TIPARP: variants seen among roughly 807,000 people sequenced by gnomAD.
TIPARP encodes the protein protein mono-ADP-ribosyltransferase TIPARP.
In TIPARP, 12 loss-of-function variants were observed where a neutral mutation model predicts 56.5. The observed-to-expected ratio is 0.21, with a 90% CI of 0.14 to 0.34. The LOEUF (loss-of-function observed/expected upper bound fraction) is 0.34, where lower values mean the gene tolerates loss of function less well. Ranked by LOEUF, TIPARP falls within the 10% of genes least tolerant of loss-of-function variation. TIPARP has a pLI of 1.00. For synonymous variants in TIPARP, 296 were observed against 265.7 expected, an observed-to-expected ratio of 1.11 and a Z score of -1.11; for missense variants, 604 against 781.6, an observed-to-expected ratio of 0.77 and a Z score of 2.71.
chr3:156,696,398 C>T (rs942174488), intron 4 of TIPARP, among the ~76,000 whole-genome samples: 4 of 152,088 alleles, frequency 2.6e-5, no homozygotes, highest in East Asian at 1.9e-4. Flanking sequence ...GCCAAACTGC[C>T]GGGGCAAGTG....
intron 2 of TIPARP, among the ~76,000 whole-genome samples, chr3:156,693,192 A>G (rs908829631): frequency 3.3e-5 from 5 of 152,192 alleles, no homozygotes; most frequent in Non-Finnish European, 7.4e-5. Flanking sequence ...TATAATGACC[A>G]TTATGCCAGT....
chr3:156,688,175 G>A (rs2108491344), intron 2 of TIPARP, among the ~76,000 whole-genome samples: 1 of 152,146 alleles, frequency 6.6e-6, no homozygotes, highest in South Asian at 2.1e-4. Flanking sequence ...AATTGCTTGA[G>A]ACCAGCCCAG....
intron 4 of TIPARP, among the ~76,000 whole-genome samples, chr3:156,700,631 A>C (rs1488487437): frequency 6.6e-6 from 1 of 152,198 alleles, no homozygotes. Flanking sequence ...AACAAAGCTT[A>C]GGGGTTTGGT....
chr3:156,690,557 T>A (rs1319331902), intron 2 of TIPARP, among the ~76,000 whole-genome samples: 1 of 152,172 alleles, frequency 6.6e-6, no homozygotes, highest in Non-Finnish European at 1.5e-5. Flanking sequence ...TATAGTGGGA[T>A]GTGTGGTGGT....
intron 4 of TIPARP, among the ~76,000 whole-genome samples, chr3:156,702,574 T>TA (rs1251391144): frequency 1.3e-5 from 2 of 152,186 alleles, no homozygotes; most frequent in Non-Finnish European, 2.9e-5. Flanking sequence ...CAATGAGTGT[T>TA]ATAGCACCTG....
chr3:156,690,927 ACT>A (rs1316899897), intron 2 of TIPARP, among the ~76,000 whole-genome samples: 1 of 151,942 alleles, frequency 6.6e-6, no homozygotes, highest in African/African-American at 2.4e-5. Flanking sequence ...TACTGCTTTG[ACT>A]CTAACTTCAT....
chr3:156,681,296 C>T (rs1722297883), intron 2 of TIPARP: 1 of 427,638 alleles, frequency 2.3e-6, no homozygotes, highest in Non-Finnish European at 4.7e-6. Context: ...AGTGTGTGTT[C>T]AGCTGTGTAT....
chr3:156,678,227 G>A lies in TIPARP; in HGVS notation c.530G>A (p.Cys177Tyr). 2 of 1,614,118 alleles carry A rather than the reference G, an allele frequency of 1.2e-6. No homozygotes were observed. The highest frequency in any genetic ancestry group is 1.7e-6 in the Non-Finnish European group (2 of 1,180,042). Residue 177 changes from cysteine (C) to tyrosine (Y), a missense_variant, in exon 2 of 6, where the codon TGC becomes TAC. Transcript: ENST00000295924. ...VSSDVPTSPD[C>Y]LDKVIDYVPG... ...AGTGATGTTCCTACTAGTCCTGACTGCTTAGACAAAGTCATAGATTATGTT... is the reference window on the plus strand; with the variant it reads ...AGTGATGTTCCTACTAGTCCTGACTACTTAGACAAAGTCATAGATTATGTT...
intron 4 of TIPARP, among the ~76,000 whole-genome samples, chr3:156,699,830 A>G (rs1219992076): frequency 6.6e-6 from 1 of 152,178 alleles, no homozygotes; most frequent in Non-Finnish European, 1.5e-5. Context: ...AGAGATCAGC[A>G]AATCAAAGAA....
chr3:156,677,817 T>C lies in TIPARP; in HGVS notation c.120T>C (p.Phe40=). 1 of 1,614,124 alleles carries C rather than the reference T, an allele frequency of 6.2e-7. No individual in the cohort carries two copies. The highest frequency in any genetic ancestry group is 1.3e-5 in the African/African-American group (1 of 75,014). Residue 40 remains phenylalanine (F), a synonymous_variant, in exon 2 of 6, where the codon TTT becomes TTC. Transcript: ENST00000295924. ...AGATCACTCCATTGAAGACTTGTTT[T>C]AAGAAAAAGGATCAGAAAAGATTGG... ...SEKITPLKTC[F]KKKDQKRLGT... is the part of the protein sequence containing the mutation.
In TIPARP at chr3:156,704,808, G is replaced by C; in HGVS notation, c.1651G>C (p.Val551Leu). 3 of 1,614,228 alleles carry C rather than the reference G, an allele frequency of 1.9e-6. No homozygotes were observed. Among genetic ancestry groups the C allele is most frequent in the Non-Finnish European group, 2.5e-6 (3 of 1,180,052 alleles). Residue 551 changes from valine (V) to leucine (L), a missense_variant, in exon 6 of 6, where the codon GTC becomes CTC. Physicochemically the swap from Val to Leu is conservative, Grantham distance 32. Transcript: ENST00000295924. ...CTGCAAACACAACTTTGACCCTCGAGTCTGTGGAAAGCATGCTACAATGTT... is the reference window on the plus strand; with the variant it reads ...CTGCAAACACAACTTTGACCCTCGACTCTGTGGAAAGCATGCTACAATGTT... ...GICKHNFDPR[V>L]CGKHATMFGQ...
chr3:156,680,548 G>A (rs1016928527), intron 2 of TIPARP, among the ~76,000 whole-genome samples: 9 of 152,148 alleles, frequency 5.9e-5, no homozygotes, highest in Non-Finnish European at 1.2e-4. Flanking sequence ...GAGTACTTCA[G>A]CATCTTGGTA....
intron 4 of TIPARP, among the ~76,000 whole-genome samples, chr3:156,698,377 A>G (rs547591078): frequency 4.6e-5 from 7 of 152,344 alleles, no homozygotes; most frequent in South Asian, 2.1e-4. Context: ...GATGCCATCT[A>G]GGACTTCATA....
rs189782725 is a variant in TIPARP at position 156,677,369 on chromosome 3, T to C, written c.-41-288T>C. ...CACTCTAACCTTATAGTAGAAATTC[T>C]TAACCTAGCAGAATTGCAAACTCTT... On this transcript the variant is annotated intron_variant, in intron 1 of 5. Transcript: ENST00000295924. 4.3e-3 allele frequency among the ~76,000 whole-genome samples: 649 copies of C among 152,292 alleles called. 2 individuals are homozygous for C. The highest frequency in any genetic ancestry group is 7.2e-3 in the Non-Finnish European group (492 of 68,014).
At chr3:156,689,872 C>T (rs915310585) in intron 2 of TIPARP, among the ~76,000 whole-genome samples, 6 of 152,138 alleles carry the variant, frequency 3.9e-5, no homozygotes, top group Admixed American at 3.9e-4. Flanking sequence ...TGGAACAACT[C>T]CCTTGACCAC....
rs994568863 is a variant in TIPARP, at chr3:156,678,179, C to G, written c.482C>G (p.Thr161Ser). The G allele has an allele frequency of 6.2e-7, 1 of 1,614,042 alleles. No individual in the cohort carries two copies. The highest frequency in any genetic ancestry group is 1.7e-5 in the Admixed American group (1 of 60,012). The change falls in exon 2 of 6, where the codon ACT (threonine) becomes AGT (serine). Residue 161 changes from threonine (T) to serine (S), a missense_variant. Physicochemically the swap from Thr to Ser is moderately conservative, Grantham distance 58 (BLOSUM62 1). This residue lies in a region of TIPARP where 261 missense variants were observed against 279.2 expected (regional missense o/e 0.93). Transcript: ENST00000295924. ...VADSTPAHFQ[T>S]DLLHPVSSDV... ...GATTCCACACCAGCTCACTTCCAGACTGATCTTTTGCACCCAGTTTCAAGT... is the reference window on the plus strand; with the variant it reads ...GATTCCACACCAGCTCACTTCCAGAGTGATCTTTTGCACCCAGTTTCAAGT...
At chr3:156,697,826 A>G (rs1019571400) in intron 4 of TIPARP, among the ~76,000 whole-genome samples, 2 of 152,186 alleles carry the variant, frequency 1.3e-5, no homozygotes, top group African/African-American at 4.8e-5. Flanking sequence ...AGTGAAAGGA[A>G]GAGTTACACA....
chr3:156,687,643 T>C (rs544348126), intron 2 of TIPARP, among the ~76,000 whole-genome samples: 45 of 151,946 alleles, frequency 3.0e-4, no homozygotes, highest in Middle Eastern at 3.4e-3. Flanking sequence ...AACTGTGTTA[T>C]GTTTGTTTAG....
At chr3:156,692,430 A>G (rs1031478158) in intron 2 of TIPARP, among the ~76,000 whole-genome samples, 14 of 152,212 alleles carry the variant, frequency 9.2e-5, no homozygotes, top group African/African-American at 3.1e-4. Flanking sequence ...CCTACTTACC[A>G]TAAATCATTT....
Sources: allele counts gnomAD v4.1 joint callset (sites outside exome capture counted in the v4.1 genomes callset), GRCh38; gene constraint gnomAD v4.1.1; regional missense constraint gnomAD v4.1.1; transcripts MANE v1.5; gene names NCBI Gene and HGNC (gene_info 2026-07-23, HGNC 2026-07-21).